PLXNC1: variants seen among roughly 807,000 people sequenced by gnomAD.
PLXNC1 encodes plexin C1, also known as plexin-C1.
PLXNC1 carries 75 observed loss-of-function variants against 178.2 expected under a neutral mutation model. The ratio of observed to expected loss-of-function variants is 0.42; its 90% CI spans 0.35 to 0.51. The LOEUF (loss-of-function observed/expected upper bound fraction) is 0.51. PLXNC1 is among the 20% of genes least tolerant of loss of function. The probability of loss-of-function intolerance (pLI) is 0.02; values close to 1 mark genes in which losing one functional copy is unlikely to be tolerated. For synonymous variants in PLXNC1, 790 were observed against 779.9 expected, an observed-to-expected ratio of 1.01 and a Z score of -0.22; for missense variants, 1,503 against 1,984.4, an observed-to-expected ratio of 0.76 and a Z score of 4.61.
chr12:94,211,383 A>G (rs1018842903), intron 5 of PLXNC1, among the ~76,000 whole-genome samples: 1 of 152,254 alleles, frequency 6.6e-6, no homozygotes, highest in African/African-American at 2.4e-5. Context: ...TTGATAAGCC[A>G]TCTGATTCTA....
At chr12:94,164,227 C>T (rs1217049735) in intron 1 of PLXNC1, among the ~76,000 whole-genome samples, 2 of 152,180 alleles carry the variant, frequency 1.3e-5, no homozygotes, top group Non-Finnish European at 2.9e-5. Flanking sequence ...ATAAAATTAA[C>T]TGCCCAAGAA....
intron 15 of PLXNC1, 116 bp from the exon 16 acceptor site, chr12:94,254,671 G>C (rs745678748): frequency 6.9e-6 from 5 of 719,850 alleles, no homozygotes; most frequent in Middle Eastern, 2.3e-4. Flanking sequence ...CCTGCTCTCT[G>C]TCCCTATCTG....
intron 22 of PLXNC1, chr12:94,280,116 A>G (rs1966326370): frequency 3.1e-6 from 1 of 320,498 alleles, no homozygotes; most frequent in African/African-American, 2.2e-5. Context: ...TCCTCTGCTA[A>G]TCACATCCTG....
Position 94,297,305 on chromosome 12 carries a change from C to T in PLXNC1, c.3967-11C>T. The T allele has an allele frequency of 6.2e-7, 1 of 1,612,872 alleles. No homozygotes were observed. The highest frequency in any genetic ancestry group is 8.5e-7 in the Non-Finnish European group (1 of 1,178,846). The stretch of plus-strand genomic sequence containing the variant: ...TCTCCTTGGGTAACGCTTCTGCTGT[C>T]TTCCCTTCAGATTTTACCAGATTCG... On this transcript the variant is annotated splice_polypyrimidine_tract_variant and intron_variant, in intron 25 of 30. Transcript: ENST00000258526.
chr12:94,190,392 A>C lies in PLXNC1; in HGVS notation c.1439+3919A>C, dbSNP rs183919543. ...CAAGTAGTGGGGACCACAGGTGTGC[A>C]CCACCATGCCCAGGTTTTTTTTGTA... is the stretch of plus-strand genomic sequence containing the variant. On this transcript the variant is annotated intron_variant, in intron 4 of 30. Coordinates refer to ENST00000258526, the MANE Select transcript of PLXNC1 (RefSeq NM_005761.3). Among the ~76,000 whole-genome samples the C allele has an allele frequency of 2.6e-5, 4 of 152,238 alleles. No homozygotes were observed. In the East Asian group the frequency reaches 7.7e-4, roughly 29 times the overall value.
intron 16 of PLXNC1, 146 bp downstream of exon 16, chr12:94,255,034 G>A: frequency 1.1e-6 from 1 of 909,550 alleles, no homozygotes; most frequent in Non-Finnish European, 1.7e-6. Flanking sequence ...GCCTGGCTTT[G>A]TGTTTTATTT....
chr12:94,151,374 C>T (rs1265621911), intron 1 of PLXNC1, among the ~76,000 whole-genome samples: 3 of 152,162 alleles, frequency 2.0e-5, no homozygotes, highest in East Asian at 1.9e-4. Flanking sequence ...TCACTTGCTG[C>T]TGCTTCTTTG....
intron 1 of PLXNC1, among the ~76,000 whole-genome samples, chr12:94,158,902 A>G (rs1264561928): frequency 1.3e-5 from 2 of 152,200 alleles, no homozygotes; most frequent in East Asian, 3.8e-4. Flanking sequence ...CCTGTCCCTG[A>G]GGCATCTCCA....
At chr12:94,200,599 G>A (rs1035656911) in intron 4 of PLXNC1, among the ~76,000 whole-genome samples, 15 of 146,746 alleles carry the variant, frequency 1.0e-4, no homozygotes, top group Non-Finnish European at 1.7e-4. Flanking sequence ...AGAGGCTAAG[G>A]AATGTGGCCC....
chr12:94,282,072 C>T lies in PLXNC1; in HGVS notation c.3776-226C>T, dbSNP rs556416321. Reference sequence around the variant, plus strand: ...CATTATTTTGTCTTCAGTGGCTTTACTTCCAGGCTTATCAGGGAAGAAGTG... The same window carrying T: ...CATTATTTTGTCTTCAGTGGCTTTATTTCCAGGCTTATCAGGGAAGAAGTG... On this transcript the variant is annotated intron_variant, in intron 22 of 30. Transcript: ENST00000258526. The T allele has an allele frequency of 8.5e-6, 4 of 470,584 alleles. No homozygotes were observed. The South Asian group carries it at 9.3e-5, about 11-fold the overall frequency. 29.2% of individuals were successfully genotyped at this position (470,584 alleles called of 1,614,324 possible).
At chr12:94,187,118 G>A (rs1962541798) in intron 4 of PLXNC1, among the ~76,000 whole-genome samples, 1 of 152,072 alleles carries the variant, frequency 6.6e-6, no homozygotes, top group Admixed American at 6.5e-5. Flanking sequence ...CCCAGTACTG[G>A]GGCTCTTGCT....
intron 1 of PLXNC1, among the ~76,000 whole-genome samples, chr12:94,157,419 C>G (rs1961216478): frequency 1.3e-5 from 2 of 152,210 alleles, no homozygotes; most frequent in Non-Finnish European, 1.5e-5. Flanking sequence ...GACTTGGGAA[C>G]AGTGTGTGGC....
intron 1 of PLXNC1, among the ~76,000 whole-genome samples, chr12:94,154,865 A>G (rs978979450): frequency 5.9e-5 from 9 of 152,350 alleles, no homozygotes; most frequent in African/African-American, 2.2e-4. Flanking sequence ...TGAACCCCCC[A>G]TACCTAGCAT....
In PLXNC1 at chr12:94,301,043, C is replaced by T; in HGVS notation, c.4372C>T (p.Gln1458Ter). 1 of 1,613,732 alleles carries T rather than the reference C, an allele frequency of 6.2e-7. No homozygotes were observed. The highest frequency in any genetic ancestry group is 8.5e-7 in the Non-Finnish European group (1 of 1,179,718). Residue 1458 changes from glutamine (Q) to a stop codon, truncating the protein, a stop_gained, in exon 28 of 31, where the codon CAG (glutamine) becomes TAG (stop). Transcript: ENST00000258526. LOFTEE classifies it high-confidence loss of function. ...AFMDAFSLTE[Q>*]QLGKEAPTNK... is the part of the protein sequence containing the mutation. Reference sequence around the variant, plus strand: ...CATGGATGCATTTTCTCTCACAGAGCAGCAACTAGGGAAGGTAAGGCCCAG... The same window carrying T: ...CATGGATGCATTTTCTCTCACAGAGTAGCAACTAGGGAAGGTAAGGCCCAG...
chr12:94,186,573 AG>A lies in PLXNC1; in HGVS notation c.1439+103del, dbSNP rs1962516813. 8 of 738,142 alleles carry A rather than the reference AG, an allele frequency of 1.1e-5. No individual in the cohort carries two copies. In the East Asian group the frequency reaches 2.2e-4, roughly 20 times the overall value. 45.7% of individuals were successfully genotyped at this position (738,142 alleles called of 1,614,324 possible). Reference sequence around the variant, plus strand: ...TTTAACGATCCATTCCAGTGACCTGAGGGAACTGATCTCTTCCTCGACTAAA... The same window carrying A: ...TTTAACGATCCATTCCAGTGACCTGAGGAACTGATCTCTTCCTCGACTAAA... On this transcript the variant is annotated intron_variant, in intron 4 of 30. Transcript: ENST00000258526.
At chr12:94,238,214 T>C (rs953192111) in intron 10 of PLXNC1, among the ~76,000 whole-genome samples, 3 of 152,198 alleles carry the variant, frequency 2.0e-5, no homozygotes, top group Non-Finnish European at 2.9e-5. Context: ...CCACCCAAAG[T>C]TGAAAAAACA....
intron 24 of PLXNC1, among the ~76,000 whole-genome samples, chr12:94,296,225 A>G (rs1967907293): frequency 6.6e-6 from 1 of 152,136 alleles, no homozygotes; most frequent in African/African-American, 2.4e-5. Flanking sequence ...CAGTGGTACA[A>G]TCATGGCTCA....
At chr12:94,258,509 C>T (rs745878286) in intron 17 of PLXNC1, among the ~76,000 whole-genome samples, 1 of 152,170 alleles carries the variant, frequency 6.6e-6, no homozygotes, top group African/African-American at 2.4e-5. Flanking sequence ...ATTCTGTGGA[C>T]TTAAAGTATT....
intron 4 of PLXNC1, among the ~76,000 whole-genome samples, chr12:94,190,021 G>A (rs1962666069): frequency 6.6e-6 from 1 of 152,118 alleles, no homozygotes; most frequent in African/African-American, 2.4e-5. Context: ...AAGCTGGGGA[G>A]GAAGTGTTGG....
Sources: gnomAD v4.1 joint callset for allele counts (sites outside exome capture counted in the v4.1 genomes callset) on GRCh38, gnomAD v4.1.1 for gene constraint, MANE v1.5 for transcripts, NCBI Gene and HGNC (gene_info 2026-07-23, HGNC 2026-07-21) for gene names.